The following THNSL1 variants were observed in gnomAD, a reference collection of about 807,000 sequenced individuals.
THNSL1 encodes threonine synthase like 1, also known as threonine synthase-like 1.
A neutral mutation model predicts 50.4 loss-of-function variants in THNSL1; 48 were observed. The ratio of observed to expected loss-of-function variants is 0.95; its 90% CI spans 0.76 to 1.21. THNSL1 has a LOEUF of 1.21. THNSL1 is among the 50% of genes most tolerant of loss of function. The pLI, the probability that THNSL1 is intolerant of heterozygous loss-of-function variation, is 0.00. For missense variants in THNSL1, 896 were observed against 871.7 expected (o/e 1.03, Z -0.35); for synonymous variants, 309 against 306.1 (o/e 1.01, Z -0.10).
the THNSL1 span, among the ~76,000 whole-genome samples, chr10:24,961,223 C>G: frequency 2.7e-4 from 41 of 152,276 alleles, no homozygotes; most frequent in African/African-American, 9.4e-4. Context: ...TTCCCTTCTT[C>G]TCTGCTTCAC....
the THNSL1 span, chr10:24,952,655 TGGGGATGGGGACGGGGAC>T: frequency 3.3e-5 from 3 of 91,674 alleles, no homozygotes; most frequent in Admixed American, 3.3e-4. This position sits in a 1 kb window ranked among gnomAD's most constrained non-coding sequence, Gnocchi z 5.1. Context: ...GGATGGGACG[TGGGGATGGGGACGGGGAC>T]GGGGACGGGG....
chr10:25,025,316 A>G lies in THNSL1; in HGVS notation c.2093A>G (p.Tyr698Cys), dbSNP rs2132765820. Residue 698 changes from tyrosine (Y) to cysteine (C), a missense_variant, in exon 3 of 3, where the codon TAC becomes TGC. Tyr to Cys is a radical substitution (Grantham distance 194, BLOSUM62 -2). Coordinates refer to ENST00000376356, the MANE Select transcript of THNSL1 (RefSeq NM_024838.5). ...SSSQLYLLGS[Y>C]NALPPLHEAL... ...AGTCAGCTCTATTTGCTGGGTTCAT[A>G]CAATGCATTACCTCCACTGCATGAG... The G allele has an allele frequency of 6.2e-7, 1 of 1,614,234 alleles. No homozygotes were observed. Among genetic ancestry groups the G allele is most frequent in the Non-Finnish European group, 8.5e-7 (1 of 1,180,048 alleles).
chr10:24,958,609 A>G, the THNSL1 span, among the ~76,000 whole-genome samples: 1 of 152,218 alleles, frequency 6.6e-6, no homozygotes, highest in South Asian at 2.1e-4. Flanking sequence ...ACTGGATCCA[A>G]TGTGTAGTCT....
chr10:24,977,975 T>C, the THNSL1 span, among the ~76,000 whole-genome samples: 61 of 152,278 alleles, frequency 4.0e-4, no homozygotes, highest in Non-Finnish European at 7.8e-4. Flanking sequence ...GTGCCTAAGG[T>C]AAAGCAGTTT....
the THNSL1 span, among the ~76,000 whole-genome samples, chr10:24,955,525 C>T: frequency 6.6e-6 from 1 of 152,204 alleles, no homozygotes; most frequent in Non-Finnish European, 1.5e-5. Context: ...TGTGAGATAA[C>T]ATGCAAGAGA....
chr10:24,959,305 G>C, the THNSL1 span, among the ~76,000 whole-genome samples: 1 of 152,222 alleles, frequency 6.6e-6, no homozygotes, highest in Non-Finnish European at 1.5e-5. Context: ...CAGAGCTGAT[G>C]TATAACAGCC....
chr10:25,016,134 C>A, upstream of THNSL1: 2 of 1,246,000 alleles, frequency 1.6e-6, no homozygotes, highest in Non-Finnish European at 2.0e-6. Flanking sequence ...TATTTCTCTC[C>A]GGATTGCTAA....
chr10:24,958,477 C>G, the THNSL1 span, among the ~76,000 whole-genome samples: 180 of 152,336 alleles, frequency 1.2e-3, 1 homozygote, highest in African/African-American at 4.2e-3. Flanking sequence ...ATTTTTCCCT[C>G]TACATAAATA....
At chr10:24,996,548 T>G in the THNSL1 span, among the ~76,000 whole-genome samples, 1 of 152,162 alleles carries the variant, frequency 6.6e-6, no homozygotes, top group South Asian at 2.1e-4. Context: ...GTTTGATCAT[T>G]CCCATTGATC....
intron 1 of THNSL1, among the ~76,000 whole-genome samples, chr10:25,018,210 CT>C (rs901224788): frequency 1.3e-5 from 2 of 152,168 alleles, no homozygotes; most frequent in Non-Finnish European, 2.9e-5. Context: ...TGGAAAAAAA[CT>C]TTTCTTTTTT....
At chr10:25,018,659 GTTTTTTT>G (rs374289213) in intron 1 of THNSL1, among the ~76,000 whole-genome samples, 2 of 93,740 alleles carry the variant, frequency 2.1e-5, no homozygotes, top group East Asian at 5.0e-4. Flanking sequence ...AATGAGAGTT[GTTTTTTT>G]TTTTTTTTTT....
the THNSL1 span, among the ~76,000 whole-genome samples, chr10:24,960,700 A>G: frequency 6.6e-6 from 1 of 150,956 alleles, no homozygotes; most frequent in Non-Finnish European, 1.5e-5. Context: ...GTGCACCCTC[A>G]CCACGCCTAA....
At chr10:24,985,184 C>T in the THNSL1 span, among the ~76,000 whole-genome samples, 5 of 152,106 alleles carry the variant, frequency 3.3e-5, no homozygotes, top group African/African-American at 7.2e-5. Context: ...AAAATGTACA[C>T]GCAGAGTTAT....
chr10:25,005,931 C>T, the THNSL1 span, among the ~76,000 whole-genome samples: 2 of 152,096 alleles, frequency 1.3e-5, no homozygotes, highest in African/African-American at 4.8e-5. Context: ...GTAATATAGC[C>T]ACATGTGGAT....
At chr10:25,003,770 A>G in the THNSL1 span, among the ~76,000 whole-genome samples, 4 of 152,116 alleles carry the variant, frequency 2.6e-5, no homozygotes, top group Non-Finnish European at 5.9e-5. Context: ...TTATTTCATC[A>G]CCCAGGTATT....
At chr10:24,993,596 A>G in the THNSL1 span, among the ~76,000 whole-genome samples, 1 of 152,242 alleles carries the variant, frequency 6.6e-6, no homozygotes, top group African/African-American at 2.4e-5. Context: ...ACTTTAAAAG[A>G]ATTTATTTAC....
the THNSL1 span, chr10:24,983,613 A>G: frequency 1.3e-5 from 2 of 152,310 alleles, no homozygotes; most frequent in South Asian, 2.1e-4. Context: ...TGAATTTTCA[A>G]AAAATAATTG....
In THNSL1 at chr10:25,018,665, T is replaced by G. The variant is rs1269795266; in HGVS notation, c.-216+1973T>G. 5.3e-3 allele frequency among the ~76,000 whole-genome samples: 803 copies of G among 150,830 alleles called. 16 individuals carry two copies. Among genetic ancestry groups the G allele is most frequent in the African/African-American group, 0.017 (707 of 41,066 alleles). On this transcript the variant is annotated intron_variant, in intron 1 of 2. Coordinates refer to ENST00000376356, the MANE Select transcript of THNSL1 (RefSeq NM_024838.5). ...ACATAAACAAATGAGAGTTGTTTTT[T>G]TTTTTTTTTTTTTTGCGAAGGATTA...
chr10:24,969,068 A>G, the THNSL1 span, among the ~76,000 whole-genome samples: 3 of 152,072 alleles, frequency 2.0e-5, no homozygotes, highest in Non-Finnish European at 4.4e-5. Flanking sequence ...TAAGTCTTGT[A>G]TTTTTAGTAA....
Sources: gnomAD v4.1 joint callset for allele counts (sites outside exome capture counted in the v4.1 genomes callset) on GRCh38, gnomAD v4.1.1 for gene constraint, Gnocchi (gnomAD v3.1) non-coding constraint, MANE v1.5 for transcripts, NCBI Gene and HGNC (gene_info 2026-07-23, HGNC 2026-07-21) for gene names.